The following BRCA1 variants were observed in gnomAD, a reference collection of about 807,000 sequenced individuals.
The protein encoded by BRCA1 is breast cancer type 1 susceptibility protein.
A neutral mutation model predicts 173.7 loss-of-function variants in BRCA1; 140 were observed. That is an observed-to-expected ratio of 0.81 (90% CI 0.70 to 0.93). The LOEUF is 0.93. BRCA1 is among the 40% of genes least tolerant of loss of function. The pLI, the probability that BRCA1 is intolerant of heterozygous loss-of-function variation, is 0.00. For synonymous variants in BRCA1, 662 were observed against 756.0 expected, an observed-to-expected ratio of 0.88 and a Z score of 2.04; for missense variants, 1,983 against 2,172.5, an observed-to-expected ratio of 0.91 and a Z score of 1.73.
intron 1 of BRCA1, among the ~76,000 whole-genome samples, chr17:43,154,125 G>T (rs1385151270): frequency 5.9e-5 from 9 of 152,106 alleles, no homozygotes; most frequent in Non-Finnish European, 1.3e-4. Flanking sequence ...GGTGGAGGTT[G>T]CAGAGTGAGC....
chr17:43,097,189 T>C lies in BRCA1; in HGVS notation c.593+55A>G, dbSNP rs188273106. ...AAAAGAGAGAAACATCAATCCTTAA[T>C]ATTAACTAAATAGGAAAATACCAGC... On this transcript the variant is annotated intron_variant, in intron 8 of 22. Transcript: ENST00000357654. 5.3e-6 allele frequency: 8 copies of C among 1,507,434 alleles called. No homozygotes were observed. In the East Asian group the frequency reaches 1.6e-4, roughly 30 times the overall value. 93.4% of individuals were successfully genotyped at this position (1,507,434 alleles called of 1,614,324 possible). A position where few individuals can be genotyped will look rare whatever the true frequency, so the allele number is the denominator to read the frequency against.
chr17:43,144,760 C>G, intron 1 of BRCA1: 2 of 338,796 alleles, frequency 5.9e-6, no homozygotes, highest in Non-Finnish European at 1.1e-5. Flanking sequence ...GTGGCTCATG[C>G]CTGTAATCCC....
At chr17:43,082,034 G>A (rs2053022514) in intron 12 of BRCA1, among the ~76,000 whole-genome samples, 1 of 152,210 alleles carries the variant, frequency 6.6e-6, no homozygotes, top group Non-Finnish European at 1.5e-5. Flanking sequence ...TGTGACACCA[G>A]TGTTATAAGG....
chr17:43,050,118 T>C (rs1038351454), intron 20 of BRCA1: 3 of 398,462 alleles, frequency 7.5e-6, no homozygotes, highest in Non-Finnish European at 8.8e-6. Context: ...TGCTAAGGCC[T>C]TTCTCTAAGG....
At chr17:43,049,280 CT>C in intron 20 of BRCA1, 86 bp from the exon 21 acceptor site, 1 of 1,216,752 alleles carries the variant, frequency 8.2e-7, no homozygotes, top group Non-Finnish European at 1.2e-6. Flanking sequence ...CGGATGAAGG[CT>C]TATAGCAAGA....
At position 43,100,672 on chromosome 17, in the gene BRCA1, A is replaced by G. The variant is rs12941008; in HGVS notation, c.442-792T>C. ...ATATATATAACATATATATATATAT[A>G]TATATAATATATATATATATATATA... On this transcript the variant is annotated intron_variant, in intron 6 of 22. Coordinates refer to ENST00000357654, the MANE Select transcript of BRCA1 (RefSeq NM_007294.4). Among the ~76,000 whole-genome samples the G allele has an allele frequency of 7.6e-3, 140 of 18,512 alleles. 14 individuals carry two copies. Among genetic ancestry groups the G allele is most frequent in the South Asian group, 0.041 (18 of 436 alleles). The allele number at this position is 18,512 out of a possible 152,430, so 12.1% of individuals were successfully genotyped here.
chr17:43,142,103 G>A (rs557694997), intron 1 of BRCA1, among the ~76,000 whole-genome samples: 150 of 152,136 alleles, frequency 9.9e-4, no homozygotes, highest in African/African-American at 3.5e-3. Flanking sequence ...TAGTAGAGAC[G>A]GGGTTTTGCC....
chr17:43,149,270 T>G (rs113405673), intron 1 of BRCA1, among the ~76,000 whole-genome samples: 1,517 of 75,602 alleles, frequency 0.02, 19 homozygotes, highest in African/African-American at 0.044. Flanking sequence ...GGCTAGTTTT[T>G]TTTTTTTTTT....
chr17:43,157,801 AGCCTG>A (rs2056207119), intron 1 of BRCA1, among the ~76,000 whole-genome samples: 1 of 152,090 alleles, frequency 6.6e-6, no homozygotes, highest in Non-Finnish European at 1.5e-5. Context: ...GTTTGAGACC[AGCCTG>A]ATCAACATGG....
intron 21 of BRCA1, among the ~76,000 whole-genome samples, chr17:43,048,650 C>T (rs1244360010): frequency 6.6e-6 from 1 of 151,120 alleles, no homozygotes; most frequent in Non-Finnish European, 1.5e-5. Flanking sequence ...AAATAGCTGG[C>T]ATTACAGGCA....
chr17:43,104,349 T>C (rs1597897459), intron 5 of BRCA1, 88 bp from the exon 6 acceptor site: 2 of 1,394,440 alleles, frequency 1.4e-6, no homozygotes, highest in Non-Finnish European at 2.0e-6. Flanking sequence ...ACCCTATGTA[T>C]GCTCTTTGTT....
chr17:43,116,011 T>C (rs948124780), intron 2 of BRCA1, among the ~76,000 whole-genome samples: 1 of 152,320 alleles, frequency 6.6e-6, no homozygotes, highest in African/African-American at 2.4e-5. Flanking sequence ...CAGAATTATA[T>C]TGATCCCTTC....
chr17:43,160,985 T>C (rs879921345), intron 1 of BRCA1: 6 of 152,194 alleles, frequency 3.9e-5, no homozygotes, highest in South Asian at 2.1e-4. Flanking sequence ...TTTCTAAACA[T>C]GGCCCCAGGA....
Position 43,044,425 on chromosome 17 carries a change from C to G in BRCA1, c.*1253G>C, listed in dbSNP as rs2050784054. 2.0e-6 allele frequency: 1 copy of G among 507,578 alleles called. No individual in the cohort carries two copies. The highest frequency in any genetic ancestry group is 1.9e-5 in the African/African-American group (1 of 52,338). The allele number at this position is 507,578 out of a possible 1,614,324, so 31.4% of individuals were successfully genotyped here. The stretch of plus-strand genomic sequence containing the variant: ...AGGGAAGACCTAGTCCTTCCAACAG[C>G]TATAAACAGTCCTGGATAATGGGTT... On this transcript the variant is annotated 3_prime_UTR_variant, in exon 23 of 23. Transcript: ENST00000357654.
At position 43,094,720 on chromosome 17, in the gene BRCA1, C is replaced by G. The variant is rs80357244; in HGVS notation, c.811G>C (p.Val271Leu). The G allele has an allele frequency of 2.5e-6, 4 of 1,611,680 alleles. No homozygotes were observed. The highest frequency in any genetic ancestry group is 3.4e-6 in the Non-Finnish European group (4 of 1,178,318). ...TGAGTATTTGTGCCACATGGCTCCA[C>G]ATGCAAGTTTGAAACAGAACTACCC... Reference protein sequence around the residue: ...YQGSSVSNLHVEPCGTNTHAS... With the variant: ...YQGSSVSNLHLEPCGTNTHAS... The change falls in exon 10 of 23, where the codon GTG becomes CTG. Residue 271 changes from valine (V) to leucine (L), a missense_variant. Val to Leu is a conservative substitution (Grantham distance 32). Transcript: ENST00000357654.
chr17:43,160,800 A>G (rs1290819127), intron 1 of BRCA1: 1 of 152,170 alleles, frequency 6.6e-6, no homozygotes, highest in Non-Finnish European at 1.5e-5. Flanking sequence ...AGACAGATCA[A>G]TAGTGATTTA....
At chr17:43,155,594 G>T (rs187714797) in intron 1 of BRCA1, among the ~76,000 whole-genome samples, 1 of 152,204 alleles carries the variant, frequency 6.6e-6, no homozygotes, top group East Asian at 1.9e-4. Context: ...GTGCAGTGGT[G>T]TGGTCTTGGC....
At chr17:43,114,933 C>G (rs1460860788) in intron 3 of BRCA1, among the ~76,000 whole-genome samples, 1 of 152,116 alleles carries the variant, frequency 6.6e-6, no homozygotes, top group Non-Finnish European at 1.5e-5. Flanking sequence ...ACAAGATCAT[C>G]AAATACGTAA....
chr17:43,140,706 A>G (rs2056069298), intron 1 of BRCA1, among the ~76,000 whole-genome samples: 2 of 152,022 alleles, frequency 1.3e-5, no homozygotes, highest in Non-Finnish European at 2.9e-5. Flanking sequence ...TCTCCTCAGG[A>G]TGTATTCAGA....
Sources: allele counts gnomAD v4.1 joint callset (sites outside exome capture counted in the v4.1 genomes callset), GRCh38; gene constraint gnomAD v4.1.1; transcripts MANE v1.5; gene names NCBI Gene and HGNC (gene_info 2026-07-23, HGNC 2026-07-21).